The following DENND4C variants were observed in gnomAD, a reference collection of about 807,000 sequenced individuals.
DENND4C encodes the protein DENN domain-containing protein 4C.
In DENND4C, 108 loss-of-function variants were observed where a neutral mutation model predicts 203.0. The ratio of observed to expected loss-of-function variants is 0.53; its 90% confidence interval spans 0.46 to 0.62. The LOEUF (loss-of-function observed/expected upper bound fraction) is 0.62. Ranked by LOEUF, DENND4C falls within the 20% of genes least tolerant of loss-of-function variation. The pLI is 0.00. For missense variants in DENND4C, 2,481 were observed against 2,301.2 expected, an observed-to-expected ratio of 1.08 and a Z score of -1.60; for synonymous variants, 871 against 792.4, an observed-to-expected ratio of 1.10 and a Z score of -1.67.
intron 1 of DENND4C, among the ~76,000 whole-genome samples, chr9:19,254,858 G>A (rs1054376405): frequency 6.6e-6 from 1 of 152,148 alleles, no homozygotes; most frequent in South Asian, 2.1e-4. Context: ...GGGACCGGGT[G>A]TGGGGGCTCG....
At chr9:19,275,875 A>T (rs1208284130) in intron 1 of DENND4C, among the ~76,000 whole-genome samples, 3 of 152,202 alleles carry the variant, frequency 2.0e-5, no homozygotes, top group Non-Finnish European at 4.4e-5. Context: ...CCAAAGTGCT[A>T]GGATTACAGG....
At chr9:19,291,638 G>A (rs139066409) in intron 5 of DENND4C, among the ~76,000 whole-genome samples, 2 of 150,340 alleles carry the variant, frequency 1.3e-5, no homozygotes, top group Non-Finnish European at 2.9e-5. Context: ...CCGGGAGACA[G>A]AGGTTGCAAT....
chr9:19,265,688 G>A (rs1830352886), intron 1 of DENND4C, among the ~76,000 whole-genome samples: 1 of 152,040 alleles, frequency 6.6e-6, no homozygotes, highest in Non-Finnish European at 1.5e-5. Flanking sequence ...CCACCTATAA[G>A]TGAGAACATG....
chr9:19,314,608 G>A (rs1841412860), intron 10 of DENND4C, among the ~76,000 whole-genome samples: 2 of 151,936 alleles, frequency 1.3e-5, no homozygotes, highest in Admixed American at 1.3e-4. Context: ...AAAGATGTAA[G>A]TATGCAAAAA....
chr9:19,349,394 A>G (rs1228389665), intron 23 of DENND4C, among the ~76,000 whole-genome samples: 1 of 152,044 alleles, frequency 6.6e-6, no homozygotes. Context: ...GGTGATAGAG[A>G]CCCTTTCTCC....
intron 1 of DENND4C, among the ~76,000 whole-genome samples, chr9:19,248,168 G>A (rs944304615): frequency 6.6e-6 from 1 of 152,068 alleles, no homozygotes; most frequent in Non-Finnish European, 1.5e-5. Context: ...CAAAGACCTA[G>A]TCTTAGCCTA....
At chr9:19,252,825 T>C (rs1404545853) in intron 1 of DENND4C, among the ~76,000 whole-genome samples, 1 of 152,016 alleles carries the variant, frequency 6.6e-6, no homozygotes, top group East Asian at 1.9e-4. Context: ...AACCTCTGCC[T>C]CCGGGGTTCA....
chr9:19,312,120 T>C (rs148891696), intron 10 of DENND4C, among the ~76,000 whole-genome samples: 563 of 152,290 alleles, frequency 3.7e-3, no homozygotes, highest in African/African-American at 0.013. Context: ...TTGTTTGTTT[T>C]TGAGACAGAG....
At chr9:19,325,882 T>C in intron 13 of DENND4C, 57 bp from the exon 14 acceptor site, 1 of 1,509,042 alleles carries the variant, frequency 6.6e-7, no homozygotes, top group South Asian at 1.2e-5. Context: ...AAGATAAAAA[T>C]GTCTATTAAA....
chr9:19,321,571 G>C (rs187444614), intron 12 of DENND4C, among the ~76,000 whole-genome samples: 1 of 151,960 alleles, frequency 6.6e-6, no homozygotes, highest in Non-Finnish European at 1.5e-5. Context: ...GAGGCCAGAC[G>C]CAGTGGCTCA....
intron 5 of DENND4C, chr9:19,292,210 A>T (rs1475645247): frequency 1.3e-5 from 2 of 149,762 alleles, no homozygotes; most frequent in Admixed American, 6.6e-5. Flanking sequence ...TTTTTTTTTT[A>T]GTAGAGACAG....
rs1355259945 is a variant in DENND4C, at chr9:19,356,994, T to G, written c.4804T>G (p.Ser1602Ala). 2 of 1,613,782 alleles carry G rather than the reference T, an allele frequency of 1.2e-6. No individual in the cohort carries two copies. ...SASFFLKPST[S>A]GDSLQSGSIP... ...TAGCTTTTTCCTGAAACCAAGTACC[T>G]CTGGTGACAGTTTACAAAGTGGAAG... Residue 1602 changes from serine to alanine, a missense_variant, in exon 27 of 33, where the codon TCT (serine) becomes GCT (alanine). Transcript: ENST00000434457.
intron 1 of DENND4C, among the ~76,000 whole-genome samples, chr9:19,264,348 A>G (rs1193858196): frequency 6.6e-6 from 1 of 151,502 alleles, no homozygotes; most frequent in Non-Finnish European, 1.5e-5. Flanking sequence ...TATCCAGGCT[A>G]GAGTGCAGAA....
At chr9:19,265,921 C>T (rs564771018) in intron 1 of DENND4C, among the ~76,000 whole-genome samples, 18 of 152,190 alleles carry the variant, frequency 1.2e-4, no homozygotes, top group Non-Finnish European at 2.4e-4. Flanking sequence ...CATATGTGTG[C>T]ATGTGTGTCT....
At chr9:19,243,589 A>C (rs1824331359) in intron 1 of DENND4C, among the ~76,000 whole-genome samples, 1 of 152,132 alleles carries the variant, frequency 6.6e-6, no homozygotes, top group Non-Finnish European at 1.5e-5. Flanking sequence ...TATTGTGGAT[A>C]TTCCTACAAG....
At chr9:19,285,201 T>G (rs1834944137) in intron 2 of DENND4C, among the ~76,000 whole-genome samples, 1 of 152,186 alleles carries the variant, frequency 6.6e-6, no homozygotes, top group South Asian at 2.1e-4. Context: ...TTTCTTCTGT[T>G]TCATTGTCTT....
rs758888340 is a variant in DENND4C at position 19,332,032 on chromosome 9, T to C, written c.2308T>C (p.Trp770Arg). The C allele has an allele frequency of 1.9e-6, 3 of 1,614,016 alleles. No individual in the cohort carries two copies. Among genetic ancestry groups the C allele is most frequent in the Non-Finnish European group, 2.5e-6 (3 of 1,179,988 alleles). Residue 770 changes from tryptophan (W) to arginine (R), a missense_variant, in exon 17 of 33, where the codon TGG becomes CGG. Physicochemically the swap from Trp to Arg is moderately radical, Grantham distance 101. Around this residue, in one of 3 missense-constraint regions of DENND4C, gnomAD observed 2,289 missense variants for 2,113.3 expected, o/e 1.08. Transcript: ENST00000434457. ...AKRCYTNPPQ[W>R]AKCLFSHCYS... ...GAGATGTTATACAAATCCACCACAG[T>C]GGGCCAAGTGTCTGTTTAGTCATTG...
intron 1 of DENND4C, among the ~76,000 whole-genome samples, chr9:19,257,003 G>A (rs1477576393): frequency 2.0e-5 from 3 of 151,798 alleles, no homozygotes; most frequent in African/African-American, 7.3e-5. Context: ...CTGGGAGGCG[G>A]AGGTTGCAGT....
chr9:19,330,333 G>GTTTTTT (rs398010417), intron 16 of DENND4C, among the ~76,000 whole-genome samples: 7 of 97,134 alleles, frequency 7.2e-5, no homozygotes, highest in South Asian at 4.1e-4. Context: ...TACCAAGTTG[G>GTTTTTT]TTTTTTTTTT....
Sources: allele counts gnomAD v4.1 joint callset (sites outside exome capture counted in the v4.1 genomes callset), GRCh38; gene constraint gnomAD v4.1.1; regional missense constraint gnomAD v4.1.1; transcripts MANE v1.5; gene names NCBI Gene and HGNC (gene_info 2026-07-23, HGNC 2026-07-21).